Variants in HECTD4 observed in about 807,000 individuals in gnomAD.
HECTD4 encodes HECT domain E3 ubiquitin protein ligase 4.
A neutral mutation model predicts 471.5 loss-of-function variants in HECTD4; 114 were observed. That is an observed-to-expected ratio of 0.24 (90% CI 0.21 to 0.28). The LOEUF is 0.28. Ranked by LOEUF, HECTD4 falls within the 10% of genes least tolerant of loss-of-function variation. HECTD4 has a pLI of 1.00. For missense variants in HECTD4, 3,866 were observed against 5,651.5 expected, an observed-to-expected ratio of 0.68 and a Z score of 10.13; for synonymous variants, 2,012 against 2,256.0, an observed-to-expected ratio of 0.89 and a Z score of 3.07.
At chr12:112,164,069 GGCCAGCCCCT>G (rs532706721) in intron 73 of HECTD4, 30 bp downstream of exon 73, 13 of 1,393,528 alleles carry the variant, frequency 9.3e-6, no homozygotes, top group African/African-American at 8.7e-5. Context: ...TGGCTGGCCG[GGCCAGCCCCT>G]GCCAGCCCCT....
chr12:112,325,118 C>A (rs2035714990), intron 1 of HECTD4, among the ~76,000 whole-genome samples: 1 of 152,122 alleles, frequency 6.6e-6, no homozygotes, highest in Non-Finnish European at 1.5e-5. Context: ...ATGACAAAAT[C>A]TGTTGCTAAC....
chr12:112,362,752 G>A (rs1326049995), intron 1 of HECTD4, among the ~76,000 whole-genome samples: 1 of 150,714 alleles, frequency 6.6e-6, no homozygotes, highest in Non-Finnish European at 1.5e-5. Context: ...CAACCAGGCT[G>A]GAGTGCACTG....
chr12:112,250,996 G>C lies in HECTD4; in HGVS notation c.3691C>G (p.Leu1231Val), dbSNP rs2033870388. The stretch of plus-strand genomic sequence containing the variant: ...CTTTGTAAAAGTTTGGACCGCAATA[G>C]CTCCTGACAGGCTTCTTCTTCTTTG... Reference protein sequence around the residue: ...ITKEEEACQELLRSKLLQRCQ... With the variant: ...ITKEEEACQEVLRSKLLQRCQ... Residue 1231 changes from leucine to valine, a missense_variant, in exon 24 of 76, where the codon CTA (leucine) becomes GTA (valine). Physicochemically the swap from Leu to Val is conservative, Grantham distance 32. Coordinates refer to ENST00000682272, the MANE Select transcript of HECTD4 (RefSeq NM_001388303.1). The C allele has an allele frequency of 6.2e-7, 1 of 1,613,132 alleles. No individual in the cohort carries two copies. Among genetic ancestry groups the C allele is most frequent in the South Asian group, 1.1e-5 (1 of 90,940 alleles).
At chr12:112,242,666 T>C (rs892948723) in intron 32 of HECTD4, among the ~76,000 whole-genome samples, 14 of 150,908 alleles carry the variant, frequency 9.3e-5, no homozygotes, top group Middle Eastern at 3.2e-3. Flanking sequence ...TCACAGCACT[T>C]TGGGGGGGCC....
chr12:112,164,172 G>A lies in HECTD4; in HGVS notation c.12638C>T (p.Thr4213Ile). 6.2e-7 allele frequency: 1 copy of A among 1,613,682 alleles called. No homozygotes were observed. The highest frequency in any genetic ancestry group is 8.5e-7 in the Non-Finnish European group (1 of 1,179,846). ...CTCCTCGCCCGTCATGGTCAGGTAG[G>A]TGAACCTGCAGCAGGGCTTGTTGGG... ...DSPNKPCCRF[T>I]YLTMTGEEVE... The change falls in exon 73 of 76, where the codon ACC becomes ATC. Residue 4213 changes from threonine (T) to isoleucine (I), a missense_variant. Physicochemically the swap from Thr to Ile is moderately conservative, Grantham distance 89. Transcript: ENST00000682272.
chr12:112,298,891 A>G (rs550789117), intron 7 of HECTD4, among the ~76,000 whole-genome samples: 1 of 151,994 alleles, frequency 6.6e-6, no homozygotes, highest in South Asian at 2.1e-4. Context: ...CAAAAAAAAA[A>G]AAAAAACACA....
chr12:112,284,756 C>T (rs557718647), intron 7 of HECTD4, among the ~76,000 whole-genome samples: 6 of 152,152 alleles, frequency 3.9e-5, no homozygotes, highest in African/African-American at 9.7e-5. Context: ...CCTTGCAGGT[C>T]GCGCCATCAC....
intron 6 of HECTD4, 56 bp downstream of exon 6, chr12:112,308,697 A>G: frequency 7.0e-7 from 1 of 1,435,976 alleles, no homozygotes; most frequent in Admixed American, 2.3e-5. Flanking sequence ...ATGATATAGG[A>G]ACTTTCTTTA....
chr12:112,265,154 A>G (rs9805001), intron 16 of HECTD4, 21 bp downstream of exon 16: 29,120 of 1,581,042 alleles, frequency 0.018, 665 homozygotes, highest in African/African-American at 0.11. Context: ...TTTTGCTTTC[A>G]TTAAACACAT....
chr12:112,312,918 G>A, intron 4 of HECTD4, 99 bp downstream of exon 4: 1 of 917,438 alleles, frequency 1.1e-6, no homozygotes, highest in South Asian at 1.7e-5. Flanking sequence ...TTAATTAAAA[G>A]GAACATACAG....
intron 2 of HECTD4, among the ~76,000 whole-genome samples, chr12:112,317,808 G>A (rs1196280547): frequency 1.3e-5 from 2 of 151,866 alleles, no homozygotes; most frequent in East Asian, 1.9e-4. Context: ...GGGAAACCCC[G>A]TCTCTACCAA....
At chr12:112,180,708 TGGG>T (rs1318679135) in intron 62 of HECTD4, among the ~76,000 whole-genome samples, 2 of 151,828 alleles carry the variant, frequency 1.3e-5, no homozygotes. Flanking sequence ...ATGAGAAGAC[TGGG>T]AAAGATAATC....
At chr12:112,305,005 G>A (rs568677943) in intron 7 of HECTD4, among the ~76,000 whole-genome samples, 1 of 152,108 alleles carries the variant, frequency 6.6e-6, no homozygotes, top group African/African-American at 2.4e-5. Flanking sequence ...ATGAAAAAAG[G>A]TTTTGTCACA....
At position 112,295,022 on chromosome 12, in the gene HECTD4, C is replaced by T. The variant is rs760812944; in HGVS notation, c.1335+11042G>A. On this transcript the variant is annotated intron_variant, in intron 7 of 75. Coordinates refer to ENST00000682272, the MANE Select transcript of HECTD4 (RefSeq NM_001388303.1). ...TGTGTGCCGGGTACTATTCTAGCAC[C>T]GGAGGGCGCAGTGGCTCATATCTAC... is the stretch of plus-strand genomic sequence containing the variant. 2.2e-4 allele frequency among the ~76,000 whole-genome samples: 33 copies of T among 151,778 alleles called. 1 individual carries two copies. The highest frequency in any genetic ancestry group is 3.7e-4 in the Non-Finnish European group (25 of 67,950).
At chr12:112,370,675 G>A (rs1002151695) in intron 1 of HECTD4, among the ~76,000 whole-genome samples, 7 of 152,074 alleles carry the variant, frequency 4.6e-5, no homozygotes, top group African/African-American at 1.4e-4. Context: ...AATTTAGCCA[G>A]GGCAAGAAGG....
intron 1 of HECTD4, among the ~76,000 whole-genome samples, chr12:112,336,422 C>T (rs2035959769): frequency 6.6e-6 from 1 of 151,830 alleles, no homozygotes; most frequent in African/African-American, 2.4e-5. Context: ...ACTCAGGAGG[C>T]TGAGGCAGGA....
At position 112,362,739 on chromosome 12, in the gene HECTD4, T is replaced by C. The variant is rs145101730; in HGVS notation, c.177+19213A>G. 2.0e-5 allele frequency among the ~76,000 whole-genome samples: 3 copies of C among 152,174 alleles called. No homozygotes were observed. The East Asian group carries it at 5.8e-4, about 29-fold the overall frequency. ...TTTTTTTTGAGATGGGGTCTCATTC[T>C]GTCAACCAGGCTGGAGTGCACTGGC... On this transcript the variant is annotated intron_variant, in intron 1 of 75. Transcript: ENST00000682272.
rs754198727 is a variant in HECTD4, at chr12:112,167,862, C to T, written c.12264G>A (p.Ser4088=). Residue 4088 remains serine, a synonymous_variant, in exon 71 of 76, where the codon TCG becomes TCA. Coordinates refer to ENST00000682272, the MANE Select transcript of HECTD4 (RefSeq NM_001388303.1). ...WQVCKELQSS[S]LSLLLLCPSS... ...TGGGGCACAGCAGCAGCAGCGACAGCGAGGAACTCTGCAGCTCCTTACACA... is the reference window on the plus strand; with the variant it reads ...TGGGGCACAGCAGCAGCAGCGACAGTGAGGAACTCTGCAGCTCCTTACACA... The T allele has an allele frequency of 1.2e-5, 19 of 1,613,512 alleles. No individual in the cohort carries two copies. In the Admixed American group the frequency reaches 2.0e-4, roughly 17 times the overall value.
chr12:112,249,937 A>G, intron 25 of HECTD4: 3 of 573,054 alleles, frequency 5.2e-6, no homozygotes, highest in South Asian at 2.1e-5. Context: ...AGTGATGCCA[A>G]TGCTGCTGAC....
Sources: gnomAD v4.1 joint callset for allele counts (sites outside exome capture counted in the v4.1 genomes callset) on GRCh38, gnomAD v4.1.1 for gene constraint, MANE v1.5 for transcripts, NCBI Gene and HGNC (gene_info 2026-07-23, HGNC 2026-07-21) for gene names.